The following PCBP3 variants were observed in gnomAD, a reference collection of about 807,000 sequenced individuals.
PCBP3 encodes poly(rC) binding protein 3.
Under a neutral mutation model 52.7 loss-of-function variants are expected in PCBP3, and 25 were observed. That is an observed-to-expected ratio of 0.47 (90% CI 0.35 to 0.66). PCBP3 has a LOEUF of 0.66. Ranked by LOEUF, PCBP3 falls within the 30% of genes least tolerant of loss-of-function variation. PCBP3 has a pLI of 0.01. For synonymous variants in PCBP3, 162 were observed against 183.0 expected (o/e 0.89, Z 0.93); for missense variants, 391 against 490.3 (o/e 0.80, Z 1.91).
chr21:45,899,752 A>G (rs938963654), intron 7 of PCBP3, 130 bp downstream of exon 7: 11 of 687,778 alleles, frequency 1.6e-5, no homozygotes, highest in African/African-American at 5.4e-5. Flanking sequence ...TCTGTGTTCC[A>G]TGAAGACAGG....
chr21:45,650,030 A>T (rs1035721909), intron 1 of PCBP3, among the ~76,000 whole-genome samples: 7 of 152,108 alleles, frequency 4.6e-5, no homozygotes, highest in Non-Finnish European at 1.0e-4. Context: ...GATGTACTAC[A>T]TTAAAAAATA....
At chr21:45,842,027 C>T (rs1442442513) in intron 4 of PCBP3, among the ~76,000 whole-genome samples, 1 of 152,226 alleles carries the variant, frequency 6.6e-6, no homozygotes, top group Non-Finnish European at 1.5e-5. Flanking sequence ...TTCTCTAGCA[C>T]TTTCAATACA....
At chr21:45,823,746 T>C (rs529862186) in intron 4 of PCBP3, among the ~76,000 whole-genome samples, 45 of 152,090 alleles carry the variant, frequency 3.0e-4, no homozygotes, top group Non-Finnish European at 6.0e-4. Context: ...TTTTAATTTT[T>C]ATTTATTTAT....
intron 4 of PCBP3, among the ~76,000 whole-genome samples, chr21:45,771,716 C>T (rs777440454): frequency 2.1e-5 from 3 of 145,780 alleles, no homozygotes; most frequent in Non-Finnish European, 4.6e-5. Flanking sequence ...AGGAAACCTG[C>T]TCTCATCTCT....
At chr21:45,761,558 C>G (rs2088661454) in intron 4 of PCBP3, 1 of 152,264 alleles carries the variant, frequency 6.6e-6, no homozygotes, top group South Asian at 2.1e-4. Flanking sequence ...TTGCCACTTG[C>G]TTTGTATGTT....
chr21:45,918,288 G>A (rs1034199209), intron 13 of PCBP3: 1 of 108,252 alleles, frequency 9.2e-6, no homozygotes, highest in Non-Finnish European at 2.5e-5. Flanking sequence ...GGGTCTAGGT[G>A]TAATTCCAGT....
chr21:45,697,077 C>T (rs2082825113), intron 2 of PCBP3, among the ~76,000 whole-genome samples: 1 of 152,142 alleles, frequency 6.6e-6, no homozygotes, highest in East Asian at 1.9e-4. Context: ...ATATGTCTGG[C>T]AAGTATCTAC....
intron 6 of PCBP3, among the ~76,000 whole-genome samples, chr21:45,898,243 C>T (rs564711630): frequency 3.3e-5 from 5 of 152,296 alleles, no homozygotes; most frequent in East Asian, 3.9e-4. Flanking sequence ...CCATGATTGA[C>T]GGGGGCCCCT....
intron 16 of PCBP3, among the ~76,000 whole-genome samples, chr21:45,939,814 A>C (rs1297985201): frequency 6.6e-6 from 1 of 152,174 alleles, no homozygotes; most frequent in African/African-American, 2.4e-5. Flanking sequence ...CAGCAGAGGC[A>C]CAGGTGCTCT....
intron 4 of PCBP3, among the ~76,000 whole-genome samples, chr21:45,842,443 C>T (rs1249062721): frequency 6.6e-6 from 1 of 152,066 alleles, no homozygotes; most frequent in African/African-American, 2.4e-5. Context: ...TTTGTTCAGG[C>T]TTTTTTGGAA....
intron 2 of PCBP3, among the ~76,000 whole-genome samples, chr21:45,717,779 A>G (rs890107703): frequency 2.0e-5 from 3 of 152,292 alleles, no homozygotes; most frequent in Non-Finnish European, 2.9e-5. Context: ...CATAAGAGAC[A>G]TTGGTCTTTG....
At position 45,930,742 on chromosome 21, in the gene PCBP3, C is replaced by T. The variant is rs753085023; in HGVS notation, c.797-44C>T. The T allele has an allele frequency of 3.3e-6, 3 of 921,534 alleles. No individual in the cohort carries two copies. The South Asian group carries it at 3.9e-5, about 12-fold the overall frequency. 57.1% of individuals were successfully genotyped at this position (921,534 alleles called of 1,614,324 possible). On this transcript the variant is annotated intron_variant, in intron 14 of 17. Coordinates refer to ENST00000681687, the MANE Select transcript of PCBP3 (RefSeq NM_001384156.1). ...CTAGTTGAAGGGACCCTGCTTATCT[C>T]CTTGAGGGCAAAACATTAAACCTGT...
rs571965406 is a variant in PCBP3 at position 45,720,527 on chromosome 21, AAAG to A, written c.-199-14862_-199-14860del. ...TGAGTATAATAAAAAAGTAATAAAAAAAGAATCAATTTTTAAAAACAATTTAAG... is the reference window on the plus strand; with the variant it reads ...TGAGTATAATAAAAAAGTAATAAAAAAATCAATTTTTAAAAACAATTTAAG... On this transcript the variant is annotated intron_variant, in intron 2 of 17. Transcript: ENST00000681687. 2.6e-5 allele frequency among the ~76,000 whole-genome samples: 4 copies of A among 152,232 alleles called. No individual in the cohort carries two copies. In the South Asian group the frequency reaches 6.2e-4, roughly 24 times the overall value.
intron 4 of PCBP3, among the ~76,000 whole-genome samples, chr21:45,799,654 G>A (rs1006049814): frequency 6.6e-6 from 1 of 152,100 alleles, no homozygotes; most frequent in Non-Finnish European, 1.5e-5. Context: ...CTGTGACCCC[G>A]GTGTCACAGG....
At chr21:45,722,057 G>A (rs2084684569) in intron 2 of PCBP3, among the ~76,000 whole-genome samples, 1 of 152,180 alleles carries the variant, frequency 6.6e-6, no homozygotes, top group Non-Finnish European at 1.5e-5. Context: ...TACAGAGTAT[G>A]TTCACTACAG....
At chr21:45,695,826 A>G (rs192646794) in intron 2 of PCBP3, among the ~76,000 whole-genome samples, 226 of 152,218 alleles carry the variant, frequency 1.5e-3, no homozygotes, top group Admixed American at 2.2e-3. Flanking sequence ...CACGTGTGTA[A>G]TCCCAGCACT....
At chr21:45,770,639 G>C (rs577506947) in intron 4 of PCBP3, among the ~76,000 whole-genome samples, 1 of 152,294 alleles carries the variant, frequency 6.6e-6, no homozygotes, top group East Asian at 1.9e-4. Context: ...TTTTTCACCG[G>C]GATCTCCTTT....
chr21:45,760,106 T>C (rs962225037), intron 4 of PCBP3: 1 of 152,322 alleles, frequency 6.6e-6, no homozygotes, highest in Middle Eastern at 3.4e-3. Context: ...TATAGAAAAA[T>C]AAATACATTT....
rs926735389 is a variant in PCBP3 at position 45,860,227 on chromosome 21, C to T, written c.10+10132C>T. On this transcript the variant is annotated intron_variant, in intron 5 of 17. Coordinates refer to ENST00000681687, the MANE Select transcript of PCBP3 (RefSeq NM_001384156.1). ...TCTCCTTCCTGTGGCTTCCAAGTCC[C>T]AGGGTACATCGGTGCCCTTCTGTGT... is the stretch of plus-strand genomic sequence containing the variant. Among the ~76,000 whole-genome samples, 3 of 152,342 alleles carry T rather than the reference C, an allele frequency of 2.0e-5. No individual in the cohort carries two copies. In the East Asian group the frequency reaches 5.8e-4, roughly 29 times the overall value.
Sources: gnomAD v4.1 joint callset for allele counts (sites outside exome capture counted in the v4.1 genomes callset) on GRCh38, gnomAD v4.1.1 for gene constraint, MANE v1.5 for transcripts, NCBI Gene and HGNC (gene_info 2026-07-23, HGNC 2026-07-21) for gene names.